The following ASIC2 variants were observed in gnomAD, a reference collection of about 807,000 sequenced individuals.
ASIC2 encodes acid-sensing ion channel 2.
ASIC2 carries 25 observed loss-of-function variants against 57.3 expected under a neutral mutation model. The ratio of observed to expected loss-of-function variants is 0.44; its 90% confidence interval spans 0.32 to 0.61. ASIC2 has a LOEUF of 0.61. Among genes scored for constraint, ASIC2 ranks in the 20% least tolerant of loss-of-function variants. ASIC2 has a pLI of 0.06. For missense variants in ASIC2, 641 were observed against 738.1 expected (o/e 0.87, Z 1.52); for synonymous variants, 319 against 307.5 (o/e 1.04, Z -0.39).
At chr17:33,485,659 A>C (rs1026151448) in intron 1 of ASIC2, among the ~76,000 whole-genome samples, 14 of 152,168 alleles carry the variant, frequency 9.2e-5, no homozygotes, top group Non-Finnish European at 1.8e-4. Flanking sequence ...TCCAGTCTCC[A>C]ATTGCTGCCT....
intron 1 of ASIC2, among the ~76,000 whole-genome samples, chr17:33,972,946 C>T (rs1237353650): frequency 1.3e-5 from 2 of 152,232 alleles, no homozygotes; most frequent in Non-Finnish European, 2.9e-5. Context: ...AAATCAGAGA[C>T]TGAGACTGAA....
chr17:33,488,572 G>C (rs1913651749), intron 1 of ASIC2, among the ~76,000 whole-genome samples: 1 of 152,136 alleles, frequency 6.6e-6, no homozygotes, highest in Admixed American at 6.5e-5. Flanking sequence ...TGAATATATA[G>C]TTGGATTTTA....
intron 1 of ASIC2, among the ~76,000 whole-genome samples, chr17:33,983,201 C>A (rs1437892468): frequency 6.6e-6 from 1 of 152,144 alleles, no homozygotes; most frequent in Non-Finnish European, 1.5e-5. Context: ...CTGGAGATTT[C>A]AGAGAACTTG....
At chr17:33,080,109 TGTAA>T (rs2092107260) in intron 3 of ASIC2, among the ~76,000 whole-genome samples, 1 of 152,072 alleles carries the variant, frequency 6.6e-6, no homozygotes, top group South Asian at 2.1e-4. Flanking sequence ...GAAAGGATGC[TGTAA>T]CCTGGGAGAG....
chr17:33,142,614 G>C (rs578172722), intron 1 of ASIC2, among the ~76,000 whole-genome samples: 1 of 152,260 alleles, frequency 6.6e-6, no homozygotes, highest in South Asian at 2.1e-4. Flanking sequence ...GCTGGTATGG[G>C]GCTCTGGGGC....
intron 1 of ASIC2, among the ~76,000 whole-genome samples, chr17:33,267,233 AC>A (rs77895388): frequency 0.089 from 13,373 of 150,686 alleles, 769 homozygotes; most frequent in South Asian, 0.24. Flanking sequence ...TGCACCCCTT[AC>A]CCCCCCCAGG....
chr17:33,375,725 C>T (rs1039093320), intron 1 of ASIC2, among the ~76,000 whole-genome samples: 1 of 152,062 alleles, frequency 6.6e-6, no homozygotes. Context: ...GAGAAGTAGT[C>T]AAAGTCTGGA....
intron 1 of ASIC2, among the ~76,000 whole-genome samples, chr17:33,205,921 G>A (rs1005669108): frequency 2.6e-5 from 4 of 152,134 alleles, no homozygotes; most frequent in African/African-American, 9.7e-5. Context: ...CTGAGACCAC[G>A]GTTTGGATCT....
At chr17:33,842,201 A>T (rs1052618807) in intron 1 of ASIC2, among the ~76,000 whole-genome samples, 3 of 152,132 alleles carry the variant, frequency 2.0e-5, no homozygotes, top group Non-Finnish European at 4.4e-5. Context: ...CCCCTTAATG[A>T]CTTGCACCTG....
intron 1 of ASIC2, among the ~76,000 whole-genome samples, chr17:33,754,957 CA>C (rs58392305): frequency 0.072 from 4,145 of 57,776 alleles, 126 homozygotes; most frequent in African/African-American, 0.24. Context: ...GACTCCATCT[CA>C]AAAAAAAAAA....
At chr17:33,420,088 A>G (rs1489196153) in intron 1 of ASIC2, among the ~76,000 whole-genome samples, 1 of 152,250 alleles carries the variant, frequency 6.6e-6, no homozygotes, top group Non-Finnish European at 1.5e-5. Flanking sequence ...TAAATGCATT[A>G]TCATAAGCTG....
chr17:33,256,008 C>G (rs1176202738), intron 1 of ASIC2, among the ~76,000 whole-genome samples: 1 of 152,130 alleles, frequency 6.6e-6, no homozygotes, highest in South Asian at 2.1e-4. Context: ...TTAATTCACA[C>G]TAGGAAAAAA....
chr17:33,875,260 T>C (rs1203669843), intron 1 of ASIC2, among the ~76,000 whole-genome samples: 2 of 152,214 alleles, frequency 1.3e-5, no homozygotes, highest in East Asian at 3.8e-4. Context: ...GGCTAACACA[T>C]AATTGGACTC....
intron 1 of ASIC2, among the ~76,000 whole-genome samples, chr17:33,223,736 C>G (rs778400914): frequency 1.3e-5 from 2 of 152,190 alleles, no homozygotes; most frequent in Non-Finnish European, 2.9e-5. Context: ...CATTACGGCT[C>G]TCTTAGAAAT....
chr17:33,155,723 C>A (rs1207087140), intron 1 of ASIC2, among the ~76,000 whole-genome samples: 2 of 151,838 alleles, frequency 1.3e-5, no homozygotes, highest in African/African-American at 4.8e-5. Flanking sequence ...CCACACCCAG[C>A]TAATTTTTGT....
intron 1 of ASIC2, among the ~76,000 whole-genome samples, chr17:33,590,751 A>G (rs985395295): frequency 1.5e-4 from 23 of 152,230 alleles, no homozygotes; most frequent in African/African-American, 5.3e-4. Context: ...AGATTCACTC[A>G]TCACATCCTG....
At chr17:33,196,272 T>G (rs564975243) in intron 1 of ASIC2, among the ~76,000 whole-genome samples, 11 of 152,208 alleles carry the variant, frequency 7.2e-5, no homozygotes, top group South Asian at 2.1e-4. Context: ...ATTTTAAAAC[T>G]GTGCCCTTTC....
At chr17:33,723,304 C>T (rs1567698327) in intron 1 of ASIC2, among the ~76,000 whole-genome samples, 2 of 151,974 alleles carry the variant, frequency 1.3e-5, no homozygotes, top group African/African-American at 4.8e-5. Flanking sequence ...TCTATGATTC[C>T]ATTTATTTAC....
chr17:33,416,754 G>C (rs749599841), intron 1 of ASIC2, among the ~76,000 whole-genome samples: 16 of 152,188 alleles, frequency 1.1e-4, no homozygotes, highest in Non-Finnish European at 2.2e-4. Flanking sequence ...AGTGGTTCAG[G>C]CTTCAAGATT....
Sources: allele counts gnomAD v4.1 joint callset (sites outside exome capture counted in the v4.1 genomes callset), GRCh38; gene constraint gnomAD v4.1.1; transcripts MANE v1.5; gene names NCBI Gene and HGNC (gene_info 2026-07-23, HGNC 2026-07-21).